The following NDST4 variants were observed in gnomAD, a reference collection of about 807,000 sequenced individuals.
NDST4 encodes N-heparan sulfate sulfotransferase 4.
NDST4 carries 63 observed loss-of-function variants against 100.8 expected under a neutral mutation model. The observed-to-expected ratio is 0.62, with a 90% CI of 0.51 to 0.77. NDST4 has a LOEUF of 0.77. Among genes scored for constraint, NDST4 ranks in the 30% least tolerant of loss-of-function variants. The probability of loss-of-function intolerance (pLI) is 0.00; values close to 1 mark genes in which losing one functional copy is unlikely to be tolerated. For missense variants in NDST4, 943 were observed against 1,018.4 expected (o/e 0.93, Z 1.01); for synonymous variants, 377 against 361.8 (o/e 1.04, Z -0.48).
Position 114,847,416 on chromosome 4 carries a change from A to AAAAAAT in NDST4, c.1940+798_1940+799insATTTTT, listed in dbSNP as rs1391736224. 3.3e-3 allele frequency among the ~76,000 whole-genome samples: 338 copies of AAAAAAT among 103,630 alleles called. 55 individuals carry two copies. Among genetic ancestry groups the AAAAAAT allele is most frequent in the African/African-American group, 8.9e-3 (211 of 23,588 alleles). 68.0% of individuals were successfully genotyped at this position (103,630 alleles called of 152,430 possible). A position where few individuals can be genotyped will look rare whatever the true frequency, so the allele number is the denominator to read the frequency against. On this transcript the variant is annotated intron_variant, in intron 9 of 13. Coordinates refer to ENST00000264363, the MANE Select transcript of NDST4 (RefSeq NM_022569.3). ...AAAAAAAAAAAAAAAAAAAAAAAAA[A>AAAAAAT]GTGTCTTTCATTGCAAACAGGTTCA...
intron 2 of NDST4, among the ~76,000 whole-genome samples, chr4:115,066,830 C>A (rs1246798160): frequency 6.6e-6 from 1 of 152,170 alleles, no homozygotes; most frequent in Non-Finnish European, 1.5e-5. Flanking sequence ...GGAAGTATTG[C>A]TGATGGCTCC....
At chr4:114,923,646 A>G (rs561219274) in intron 6 of NDST4, among the ~76,000 whole-genome samples, 7 of 152,098 alleles carry the variant, frequency 4.6e-5, no homozygotes, top group African/African-American at 1.4e-4. Context: ...CTTATTATGA[A>G]TTCACTGATA....
At chr4:115,013,009 T>C (rs544829095) in intron 2 of NDST4, among the ~76,000 whole-genome samples, 5 of 151,224 alleles carry the variant, frequency 3.3e-5, no homozygotes, top group Non-Finnish European at 7.4e-5. Context: ...ATTAAAACGA[T>C]TGAACTCATG....
rs1297408850 is a variant in NDST4 at position 114,990,566 on chromosome 4, AT to A, written c.979-13293del. Among the ~76,000 whole-genome samples the A allele has an allele frequency of 3.2e-4, 48 of 152,130 alleles. 2 individuals carry two copies. Among genetic ancestry groups the A allele is most frequent in the Admixed American group, 3.0e-3 (46 of 15,254 alleles). On this transcript the variant is annotated intron_variant, in intron 2 of 13. Coordinates refer to ENST00000264363, the MANE Select transcript of NDST4 (RefSeq NM_022569.3). Reference sequence around the variant, plus strand: ...CAGTGAGATAAAGTCACTTAAAAAAATCTTACATCCCACATTATTTTACATT... The same window carrying A: ...CAGTGAGATAAAGTCACTTAAAAAAACTTACATCCCACATTATTTTACATT...
At position 114,836,641 on chromosome 4, in the gene NDST4, T is replaced by G. The variant is rs1723311306; in HGVS notation, c.2286+2737A>C. On this transcript the variant is annotated intron_variant, in intron 11 of 13. Coordinates refer to ENST00000264363, the MANE Select transcript of NDST4 (RefSeq NM_022569.3). ...GTATCTTAGTGGTGATCTCTGTATT[T>G]CTTGAATGTGAATGTTGGCCTGTCT... 2.0e-5 allele frequency among the ~76,000 whole-genome samples: 3 copies of G among 152,180 alleles called. No homozygotes were observed. In the South Asian group the frequency reaches 6.2e-4, roughly 32 times the overall value.
rs116084068 is a variant in NDST4, at chr4:115,084,354, C to T, written c.-246-7072G>A. On this transcript the variant is annotated intron_variant, in intron 1 of 13. Transcript: ENST00000264363. ...ATGAAAATTTGGAAAATTTGCAGCC[C>T]GATGATGCAGTAGAAAAGAAAAACC... Among the ~76,000 whole-genome samples the T allele has an allele frequency of 3.6e-3, 542 of 152,102 alleles. 4 individuals are homozygous for T. The highest frequency in any genetic ancestry group is 0.012 in the African/African-American group (511 of 41,494).
intron 1 of NDST4, among the ~76,000 whole-genome samples, chr4:115,089,599 A>C (rs1344012299): frequency 1.3e-5 from 2 of 151,762 alleles, no homozygotes; most frequent in African/African-American, 2.4e-5. Context: ...CTGTGGGTAC[A>C]TTTTCAATAG....
At chr4:115,046,304 A>G (rs1331040939) in intron 2 of NDST4, among the ~76,000 whole-genome samples, 2 of 152,136 alleles carry the variant, frequency 1.3e-5, no homozygotes, top group East Asian at 3.9e-4. Flanking sequence ...TTCTACCTCT[A>G]GAGAAGGAAA....
Position 114,839,442 on chromosome 4 carries a change from C to A in NDST4, c.2222G>T (p.Cys741Phe). ...PSDLKTLQRR[C>F]LVPGWYAVHI... is the part of the protein sequence containing the mutation. Reference sequence around the variant, plus strand: ...GACTGCATACCATCCAGGTACTAGGCATCTTCTCTGCAAAGTTTTTAAGTC... The same window carrying A: ...GACTGCATACCATCCAGGTACTAGGAATCTTCTCTGCAAAGTTTTTAAGTC... The change falls in exon 11 of 14, where the codon TGC (cysteine) becomes TTC (phenylalanine). Residue 741 changes from cysteine to phenylalanine, a missense_variant. Cys to Phe is a radical substitution (Grantham distance 205). Transcript: ENST00000264363. 6.2e-7 allele frequency: 1 copy of A among 1,613,940 alleles called. No individual in the cohort carries two copies. The highest frequency in any genetic ancestry group is 8.5e-7 in the Non-Finnish European group (1 of 1,179,884).
intron 1 of NDST4, among the ~76,000 whole-genome samples, chr4:115,112,576 A>G (rs2110349090): frequency 6.6e-6 from 1 of 152,074 alleles, no homozygotes; most frequent in African/African-American, 2.4e-5. Context: ...TAAACAAAAC[A>G]TATAATCACT....
chr4:115,074,791 G>A (rs1729146232), intron 2 of NDST4, among the ~76,000 whole-genome samples: 1 of 152,072 alleles, frequency 6.6e-6, no homozygotes, highest in Admixed American at 6.6e-5. Flanking sequence ...TTTATCTTTG[G>A]AAGATAAACA....
intron 2 of NDST4, among the ~76,000 whole-genome samples, chr4:115,058,033 A>G (rs1728740134): frequency 6.6e-6 from 1 of 152,184 alleles, no homozygotes; most frequent in Non-Finnish European, 1.5e-5. Context: ...GTCAACATAG[A>G]AAATGCAAAA....
intron 6 of NDST4, among the ~76,000 whole-genome samples, chr4:114,909,049 C>A (rs1468705072): frequency 6.6e-6 from 1 of 150,664 alleles, no homozygotes; most frequent in Admixed American, 6.6e-5. Context: ...TATAATGCCT[C>A]CTATCCACAT....
At chr4:114,874,838 C>G (rs1197423523) in intron 6 of NDST4, among the ~76,000 whole-genome samples, 1 of 148,312 alleles carries the variant, frequency 6.7e-6, no homozygotes, top group African/African-American at 2.6e-5. Flanking sequence ...CTATTTTTTA[C>G]TGTTTATCTT....
intron 4 of NDST4, among the ~76,000 whole-genome samples, chr4:114,957,287 T>C (rs2126234585): frequency 6.6e-6 from 1 of 152,290 alleles, no homozygotes; most frequent in Middle Eastern, 3.4e-3. Context: ...CTCACAACTA[T>C]GGCAGAAGGC....
chr4:115,103,448 T>G (rs933761826), intron 1 of NDST4, among the ~76,000 whole-genome samples: 1 of 152,150 alleles, frequency 6.6e-6, no homozygotes, highest in African/African-American at 2.4e-5. Flanking sequence ...GAAGTAAAAT[T>G]TTCATTGCTG....
intron 2 of NDST4, among the ~76,000 whole-genome samples, chr4:114,980,534 C>A (rs189111160): frequency 2.0e-5 from 3 of 149,796 alleles, no homozygotes; most frequent in Non-Finnish European, 4.4e-5. Flanking sequence ...CCCAGCTGCT[C>A]GGGAGGCTGA....
rs555757202 is a variant in NDST4 at position 114,872,004 on chromosome 4, CTCAT to C, written c.1537-1058_1537-1055del. ...ATAATATAGAAGAAAAGTCAAGTGT[CTCAT>C]GGCTAATATTTGTATGGAAACTCGC... On this transcript the variant is annotated intron_variant, in intron 6 of 13. Transcript: ENST00000264363. 1.1e-3 allele frequency among the ~76,000 whole-genome samples: 173 copies of C among 152,012 alleles called. 2 individuals are homozygous for C. The highest frequency in any genetic ancestry group is 3.9e-3 in the African/African-American group (162 of 41,524).
At chr4:115,064,189 T>G (rs1427865085) in intron 2 of NDST4, among the ~76,000 whole-genome samples, 1 of 151,974 alleles carries the variant, frequency 6.6e-6, no homozygotes, top group African/African-American at 2.4e-5. Context: ...TTTTAAAAAT[T>G]AATAGCTGGT....
Sources: allele counts gnomAD v4.1 joint callset (sites outside exome capture counted in the v4.1 genomes callset), GRCh38; gene constraint gnomAD v4.1.1; transcripts MANE v1.5; gene names NCBI Gene and HGNC (gene_info 2026-07-23, HGNC 2026-07-21).